The following OPA1 variants were observed in gnomAD, a reference collection of about 807,000 sequenced individuals.
OPA1 encodes OPA1 mitochondrial dynamin like GTPase, also known as dynamin-like GTPase OPA1, mitochondrial.
Under a neutral mutation model 152.9 loss-of-function variants are expected in OPA1, and 59 were observed. That is an observed-to-expected ratio of 0.39 (90% CI 0.31 to 0.48). OPA1 has a LOEUF of 0.48. Ranked by LOEUF, OPA1 falls within the 20% of genes least tolerant of loss-of-function variation. The pLI is 0.96. For synonymous variants in OPA1, 400 were observed against 389.9 expected (o/e 1.03, Z -0.31); for missense variants, 1,008 against 1,216.8 (o/e 0.83, Z 2.55).
chr3:193,657,371 CTGTA>C, intron 23 of OPA1, 139 bp downstream of exon 23: 8 of 807,902 alleles, frequency 9.9e-6, no homozygotes, highest in Non-Finnish European at 1.6e-5. Context: ...GATTTATGAT[CTGTA>C]ATCTGCCCTT....
intron 29 of OPA1, among the ~76,000 whole-genome samples, chr3:193,673,161 A>G (rs944497420): frequency 2.0e-5 from 3 of 152,136 alleles, no homozygotes; most frequent in African/African-American, 7.2e-5. Flanking sequence ...TCTTTTCACT[A>G]CTGTGCCAGA....
chr3:193,656,229 C>T (rs1217132926), intron 22 of OPA1, among the ~76,000 whole-genome samples: 2 of 152,176 alleles, frequency 1.3e-5, no homozygotes, highest in Admixed American at 6.5e-5. Context: ...TTTCTTTCCA[C>T]TGCTGCTTTC....
chr3:193,597,637 G>A (rs920037938), intron 1 of OPA1, among the ~76,000 whole-genome samples: 1 of 147,864 alleles, frequency 6.8e-6, no homozygotes, highest in African/African-American at 2.5e-5. Flanking sequence ...GTTGCAGTGA[G>A]CAGAGATCGA....
intron 29 of OPA1, among the ~76,000 whole-genome samples, chr3:193,686,898 A>G (rs1277560432): frequency 6.6e-6 from 1 of 152,186 alleles, no homozygotes; most frequent in Non-Finnish European, 1.5e-5. Flanking sequence ...AGTACACTGC[A>G]TTAGTAAGTT....
intron 21 of OPA1, among the ~76,000 whole-genome samples, 171 bp downstream of exon 21, chr3:193,649,042 T>A (rs1219804035): frequency 6.6e-6 from 1 of 152,192 alleles, no homozygotes; most frequent in East Asian, 1.9e-4. Flanking sequence ...GTCTAACCAG[T>A]TGAATTTCTT....
At chr3:193,598,950 A>G (rs1291340071) in intron 1 of OPA1, among the ~76,000 whole-genome samples, 1 of 152,206 alleles carries the variant, frequency 6.6e-6, no homozygotes, top group Non-Finnish European at 1.5e-5. Context: ...TCTGGTTGAT[A>G]TCCCTCTCTG....
chr3:193,657,913 G>A (rs554905787), intron 23 of OPA1, among the ~76,000 whole-genome samples: 1 of 152,308 alleles, frequency 6.6e-6, no homozygotes, highest in Admixed American at 6.5e-5. Flanking sequence ...CTGGGAAAAT[G>A]CAGAGCTGGT....
intron 11 of OPA1, among the ~76,000 whole-genome samples, chr3:193,639,074 C>T (rs535518784): frequency 2.0e-5 from 3 of 152,240 alleles, no homozygotes; most frequent in South Asian, 2.1e-4. Context: ...GAGATTGTGA[C>T]TTGGTGTACT....
intron 28 of OPA1, 115 bp downstream of exon 28, chr3:193,666,504 C>T: frequency 1.1e-6 from 1 of 923,900 alleles, no homozygotes. Context: ...ATTAGAAAAA[C>T]TGGCCAGGTG....
At chr3:193,678,947 G>GT (rs566292272) in intron 29 of OPA1, among the ~76,000 whole-genome samples, 18 of 150,852 alleles carry the variant, frequency 1.2e-4, no homozygotes, top group East Asian at 7.8e-4. Flanking sequence ...TACTGAAGTT[G>GT]TTTTTTTTTC....
intron 15 of OPA1, 119 bp from the exon 16 acceptor site, chr3:193,643,856 G>T: frequency 8.9e-7 from 1 of 1,127,592 alleles, no homozygotes; most frequent in Non-Finnish European, 1.3e-6. Context: ...AGTAAATAAC[G>T]TAAATGTATT....
At chr3:193,615,925 G>A (rs1483386178) in intron 3 of OPA1, among the ~76,000 whole-genome samples, 155 bp downstream of exon 3, 1 of 152,074 alleles carries the variant, frequency 6.6e-6, no homozygotes, top group Non-Finnish European at 1.5e-5. Flanking sequence ...CTGTATAAAA[G>A]AAATACCCAG....
chr3:193,657,302 T>C, intron 23 of OPA1, 70 bp downstream of exon 23: 10 of 1,437,150 alleles, frequency 7.0e-6, no homozygotes, highest in Admixed American at 1.7e-5. Context: ...TACTTTTTCA[T>C]AGGAGACTTT....
chr3:193,644,564 C>A (rs193040375), intron 16 of OPA1, among the ~76,000 whole-genome samples: 2 of 151,852 alleles, frequency 1.3e-5, no homozygotes, highest in Non-Finnish European at 2.9e-5. Flanking sequence ...TTTTCAGATA[C>A]CAGCCAAAGA....
At chr3:193,629,608 G>T (rs1171278680) in intron 7 of OPA1, among the ~76,000 whole-genome samples, 7 of 151,916 alleles carry the variant, frequency 4.6e-5, no homozygotes, top group African/African-American at 1.4e-4. Context: ...GCTGAGGCAG[G>T]AGAATGGCGT....
At chr3:193,647,668 G>C (rs1312628415) in intron 19 of OPA1, among the ~76,000 whole-genome samples, 1 of 152,010 alleles carries the variant, frequency 6.6e-6, no homozygotes, top group Non-Finnish European at 1.5e-5. Context: ...CTGCAATCTT[G>C]TATTACTTTC....
chr3:193,668,329 C>T (rs1381620002), intron 29 of OPA1: 3 of 1,550,614 alleles, frequency 1.9e-6, no homozygotes, highest in South Asian at 2.4e-5. Context: ...GTTCTTTTTC[C>T]CCAGCTCGGA....
chr3:193,645,465 CATT>C, intron 16 of OPA1, 85 bp from the exon 17 acceptor site: 1 of 899,950 alleles, frequency 1.1e-6, no homozygotes. Context: ...ACATGTATAG[CATT>C]ATTTTGCTTT....
At chr3:193,640,692 C>T (rs1733652645) in intron 11 of OPA1, among the ~76,000 whole-genome samples, 1 of 152,020 alleles carries the variant, frequency 6.6e-6, no homozygotes, top group Non-Finnish European at 1.5e-5. Context: ...GACTGAAGTC[C>T]CTTTAAGTTC....
Sources: allele counts gnomAD v4.1 joint callset (sites outside exome capture counted in the v4.1 genomes callset), GRCh38; gene constraint gnomAD v4.1.1; transcripts MANE v1.5; gene names NCBI Gene and HGNC (gene_info 2026-07-23, HGNC 2026-07-21).